The following CXADR variants were observed in gnomAD, a reference collection of about 807,000 sequenced individuals.
CXADR encodes coxsackievirus and adenovirus receptor.
In CXADR, 20 loss-of-function variants were observed where a neutral mutation model predicts 40.3. The observed-to-expected ratio is 0.50, with a 90% confidence interval of 0.35 to 0.72. CXADR has a LOEUF of 0.72. CXADR is among the 30% of genes least tolerant of loss of function. The probability of loss-of-function intolerance (pLI) is 0.01; values close to 1 mark genes in which losing one functional copy is unlikely to be tolerated. For missense variants in CXADR, 332 were observed against 449.1 expected, an observed-to-expected ratio of 0.74 and a Z score of 2.36; for synonymous variants, 150 against 161.3, an observed-to-expected ratio of 0.93 and a Z score of 0.53.
At chr21:17,537,728 A>G (rs8126543) in intron 1 of CXADR, among the ~76,000 whole-genome samples, 45,060 of 151,808 alleles carry the variant, frequency 0.3, 8,138 homozygotes, top group African/African-American at 0.51. Flanking sequence ...TTCAACAAAT[A>G]TTTGTTGAAT....
chr21:17,527,596 C>T (rs559343641), intron 1 of CXADR, among the ~76,000 whole-genome samples: 2 of 152,226 alleles, frequency 1.3e-5, no homozygotes, highest in South Asian at 2.1e-4. Context: ...ATTATTCGTG[C>T]AGCTATGGTA....
intron 6 of CXADR, among the ~76,000 whole-genome samples, chr21:17,564,717 A>G (rs999727014): frequency 1.3e-5 from 2 of 152,030 alleles, no homozygotes; most frequent in African/African-American, 4.8e-5. Context: ...CCTTTTTTAA[A>G]AAATTTTAAA....
chr21:17,612,859 G>C, the CXADR span: 2 of 152,110 alleles, frequency 1.3e-5, no homozygotes, highest in African/African-American at 2.4e-5. Context: ...GCGGCCAAGC[G>C]CGCGTTGAGA....
intron 1 of CXADR, among the ~76,000 whole-genome samples, chr21:17,515,409 C>G (rs1481181836): frequency 6.6e-6 from 1 of 152,032 alleles, no homozygotes; most frequent in Non-Finnish European, 1.5e-5. Context: ...GATCATGACG[C>G]TGCTCTCGAG....
intron 2 of CXADR, among the ~76,000 whole-genome samples, chr21:17,551,402 AGAAAAG>A (rs1001192446): frequency 2.0e-5 from 3 of 152,324 alleles, no homozygotes; most frequent in African/African-American, 7.2e-5. Flanking sequence ...CAAAAAGAAA[AGAAAAG>A]GAAAAGAAAA....
At chr21:17,537,093 CTG>C (rs1417464217) in intron 1 of CXADR, among the ~76,000 whole-genome samples, 1 of 152,206 alleles carries the variant, frequency 6.6e-6, no homozygotes, top group Non-Finnish European at 1.5e-5. Context: ...GAGGTGCTCT[CTG>C]GGGACAAGGT....
chr21:17,570,043 A>G lies in CXADR; in HGVS notation c.*4351A>G. ...GTAAGAACAAAATTTGTTAAGAAAA[A>G]CAACTTGCTCTAGTTTTGTGACCTT... On this transcript the variant is annotated 3_prime_UTR_variant, in exon 7 of 7. Coordinates refer to ENST00000284878, the MANE Select transcript of CXADR (RefSeq NM_001338.5). The G allele has an allele frequency of 1.0e-6, 1 of 985,446 alleles. No individual in the cohort carries two copies. Among genetic ancestry groups the G allele is most frequent in the Non-Finnish European group, 1.2e-6 (1 of 829,928 alleles). 61.0% of individuals were successfully genotyped at this position (985,446 alleles called of 1,614,324 possible).
At chr21:17,536,524 G>A (rs1482672912) in intron 1 of CXADR, among the ~76,000 whole-genome samples, 3 of 151,952 alleles carry the variant, frequency 2.0e-5, no homozygotes, top group African/African-American at 7.3e-5. Context: ...CCTCTACTCT[G>A]AGCTCCCTCC....
the CXADR span, chr21:17,626,912 G>A: frequency 5.9e-5 from 9 of 152,208 alleles, no homozygotes; most frequent in African/African-American, 2.2e-4. Flanking sequence ...TTGAGTTCCA[G>A]AAGAGTAATT....
intron 7 of CXADR, among the ~76,000 whole-genome samples, chr21:17,591,162 G>A (rs2061432000): frequency 6.6e-6 from 1 of 151,636 alleles, no homozygotes; most frequent in African/African-American, 2.4e-5. Flanking sequence ...CCATGGCATG[G>A]GCCTTAAAAA....
At position 17,568,605 on chromosome 21, in the gene CXADR, G is replaced by T. The variant is rs428017; in HGVS notation, c.*2913G>T. On this transcript the variant is annotated 3_prime_UTR_variant, in exon 7 of 7. Transcript: ENST00000284878. The stretch of plus-strand genomic sequence containing the variant: ...ATAGGGTTTCACTATTGCTCAGGCT[G>T]GTCTCAAACTGCTGGGCTCAGGAGA... 2.7e-5 allele frequency: 26 copies of T among 973,088 alleles called. No individual in the cohort carries two copies. The highest frequency in any genetic ancestry group is 3.2e-5 in the Non-Finnish European group (26 of 822,162). 60.3% of individuals were successfully genotyped at this position (973,088 alleles called of 1,614,324 possible).
intron 7 of CXADR, among the ~76,000 whole-genome samples, chr21:17,585,513 G>C (rs1025728695): frequency 1.3e-5 from 2 of 151,280 alleles, no homozygotes; most frequent in African/African-American, 4.9e-5. Flanking sequence ...TGTGCTTCTG[G>C]GTGTTTAATT....
chr21:17,514,066 T>A (rs1400322098), intron 1 of CXADR, among the ~76,000 whole-genome samples: 1 of 152,174 alleles, frequency 6.6e-6, no homozygotes, highest in East Asian at 1.9e-4. Flanking sequence ...AAAAAACGGA[T>A]TTTCCATGTC....
In CXADR at chr21:17,551,930, A is replaced by G. The variant is rs1054084418; in HGVS notation, c.392A>G (p.Lys131Arg). 1 of 1,613,712 alleles carries G rather than the reference A, an allele frequency of 6.2e-7. No homozygotes were observed. ...AAAAAAGCTCCTGGTGTTGCAAATA[A>G]GAAGATTCATCTGGTAGTTCTTGGT... ...KVKKAPGVANKKIHLVVLVKP... is the reference protein window; with the variant it reads ...KVKKAPGVANRKIHLVVLVKP... The change falls in exon 3 of 7, where the codon AAG becomes AGG. Residue 131 changes from lysine to arginine, a missense_variant. Lys to Arg is a conservative substitution (Grantham distance 26). This residue lies in a region of CXADR where 162 missense variants were observed against 198.5 expected (regional missense o/e 0.82). Coordinates refer to ENST00000284878, the MANE Select transcript of CXADR (RefSeq NM_001338.5).
rs772388424 is a variant in CXADR, at chr21:17,561,322, ATTC to A, written c.695-10_695-8del. 45 of 1,485,362 alleles carry A rather than the reference ATTC, an allele frequency of 3.0e-5. No individual in the cohort carries two copies. The East Asian group carries it at 4.3e-4, about 14-fold the overall frequency. 92.0% of individuals were successfully genotyped at this position (1,485,362 alleles called of 1,614,324 possible). ...TATATGTATATATTTTTTACTATTA[ATTC>A]TTCTTATTTTAGCTTCAAATAAAGC... On this transcript the variant is annotated splice_polypyrimidine_tract_variant and intron_variant, in intron 5 of 6. Coordinates refer to ENST00000284878, the MANE Select transcript of CXADR (RefSeq NM_001338.5).
intron 1 of CXADR, among the ~76,000 whole-genome samples, chr21:17,528,140 C>A (rs1344162556): frequency 1.5e-5 from 2 of 132,582 alleles, no homozygotes; most frequent in Non-Finnish European, 1.5e-5. Context: ...GTGGTGAGAT[C>A]ACAGCTCACT....
At chr21:17,528,846 C>T (rs1205514839) in intron 1 of CXADR, among the ~76,000 whole-genome samples, 1 of 152,102 alleles carries the variant, frequency 6.6e-6, no homozygotes, top group African/African-American at 2.4e-5. Flanking sequence ...AACTCTCACA[C>T]CCCTACTGGT....
At chr21:17,583,602 C>T (rs2123386812) in intron 7 of CXADR, among the ~76,000 whole-genome samples, 1 of 12,956 alleles carries the variant, frequency 7.7e-5, no homozygotes, top group African/African-American at 3.4e-4. Flanking sequence ...GCCATGCTGA[C>T]ACACACTCGA....
At chr21:17,613,859 A>G in the CXADR span, 1 of 152,174 alleles carries the variant, frequency 6.6e-6, no homozygotes, top group Non-Finnish European at 1.5e-5. Flanking sequence ...TTTTATTATT[A>G]TTATTAAAAG....
Sources: gnomAD v4.1 joint callset for allele counts (sites outside exome capture counted in the v4.1 genomes callset) on GRCh38, gnomAD v4.1.1 for gene constraint, gnomAD v4.1.1 regional missense constraint, MANE v1.5 for transcripts, NCBI Gene and HGNC (gene_info 2026-07-23, HGNC 2026-07-21) for gene names.